MGAT5: variants seen among roughly 807,000 people sequenced by gnomAD.
MGAT5 encodes the protein alpha-1,6-mannosylglycoprotein 6-beta-N-acetylglucosaminyltransferase A.
A neutral mutation model predicts 94.3 loss-of-function variants in MGAT5; 30 were observed. That is an observed-to-expected ratio of 0.32 (90% CI 0.24 to 0.43). The LOEUF (loss-of-function observed/expected upper bound fraction) is 0.43. MGAT5 is among the 20% of genes least tolerant of loss of function. The pLI is 1.00. For missense variants in MGAT5, 691 were observed against 905.5 expected (o/e 0.76, Z 3.04); for synonymous variants, 310 against 322.9 (o/e 0.96, Z 0.43).
chr2:134,125,428 T>C (rs917324745), intron 1 of MGAT5, among the ~76,000 whole-genome samples: 4 of 152,176 alleles, frequency 2.6e-5, no homozygotes. Flanking sequence ...CAGCACCTTC[T>C]TTCCAACCTA....
At chr2:134,417,072 C>A (rs1419761746) in intron 12 of MGAT5, among the ~76,000 whole-genome samples, 3 of 151,844 alleles carry the variant, frequency 2.0e-5, no homozygotes, top group South Asian at 2.1e-4. Flanking sequence ...ACCTTTTGCC[C>A]ATTGTAATGC....
At chr2:134,381,377 A>AT (rs759495914) in intron 10 of MGAT5, among the ~76,000 whole-genome samples, 4 of 76,132 alleles carry the variant, frequency 5.3e-5, no homozygotes, top group Middle Eastern at 9.6e-3. Flanking sequence ...ATAAGATAAG[A>AT]TAGATTAGAT....
At chr2:134,363,838 C>T (rs1394020297) in intron 10 of MGAT5, among the ~76,000 whole-genome samples, 2 of 152,154 alleles carry the variant, frequency 1.3e-5, no homozygotes, top group African/African-American at 4.8e-5. Flanking sequence ...AAAAATGTGT[C>T]CTGTGTTGAT....
At chr2:134,408,250 T>G (rs1205453084) in intron 11 of MGAT5, among the ~76,000 whole-genome samples, 3 of 152,304 alleles carry the variant, frequency 2.0e-5, no homozygotes, top group Non-Finnish European at 2.9e-5. Flanking sequence ...GGTGAGCACT[T>G]GAGGCTGGCC....
intron 15 of MGAT5, among the ~76,000 whole-genome samples, chr2:134,442,546 C>T (rs558385134): frequency 4.6e-5 from 7 of 152,232 alleles, no homozygotes; most frequent in South Asian, 2.1e-4. Flanking sequence ...GGTAATGAGG[C>T]GAGTGTGGCA....
rs188469709 is a variant in MGAT5, at chr2:134,400,392, T to C, written c.1381-2596T>C. ...TGTTGGGATTTTCACGTTTATGAAA[T>C]TGGTAAATCCTTTCTGAAGGTAATC... On this transcript the variant is annotated intron_variant, in intron 10 of 15. Transcript: ENST00000281923. Among the ~76,000 whole-genome samples the C allele has an allele frequency of 7.2e-5, 11 of 152,348 alleles. 1 individual carries two copies. The highest frequency in any genetic ancestry group is 2.2e-4 in the African/African-American group (9 of 41,590).
chr2:134,416,870 T>G (rs538813772), intron 12 of MGAT5, among the ~76,000 whole-genome samples: 1 of 151,642 alleles, frequency 6.6e-6, no homozygotes, highest in Non-Finnish European at 1.5e-5. Flanking sequence ...CCTCCCAAAG[T>G]GCTGGGATTA....
chr2:134,132,282 ACACT>A (rs1403253901), intron 1 of MGAT5, among the ~76,000 whole-genome samples: 1 of 152,176 alleles, frequency 6.6e-6, no homozygotes. Context: ...TTTACCAATT[ACACT>A]CAGAAACAGA....
At chr2:134,229,104 C>T (rs910303823) in intron 1 of MGAT5, among the ~76,000 whole-genome samples, 2 of 152,112 alleles carry the variant, frequency 1.3e-5, no homozygotes, top group African/African-American at 2.4e-5. Context: ...AGTATGTTTT[C>T]CATCTGCTCA....
intron 10 of MGAT5, among the ~76,000 whole-genome samples, chr2:134,393,719 A>C (rs902650329): frequency 2.0e-5 from 3 of 152,124 alleles, no homozygotes; most frequent in African/African-American, 7.2e-5. Context: ...TTTTACAGTA[A>C]ATTAAGCACT....
chr2:134,317,455 C>T, intron 2 of MGAT5, 74 bp from the exon 3 acceptor site: 2 of 1,157,522 alleles, frequency 1.7e-6, no homozygotes, highest in Non-Finnish European at 2.4e-6. Flanking sequence ...CTCCCTACCT[C>T]TTGGCTTACA....
chr2:134,423,562 C>T (rs933926519), intron 13 of MGAT5, among the ~76,000 whole-genome samples: 1 of 152,104 alleles, frequency 6.6e-6, no homozygotes, highest in African/African-American at 2.4e-5. Flanking sequence ...AACTCGGAGC[C>T]CACCGTGGAC....
At position 134,203,106 on chromosome 2, in the gene MGAT5, T is replaced by C. The variant is rs190059834; in HGVS notation, c.-142-51156T>C. ...TTTTTATGGTTAATAACTTGTAAAG[T>C]TCAGAACAGAAAGTATGTTCTTAGC... On this transcript the variant is annotated intron_variant, in intron 1 of 16. Coordinates refer to the MGAT5 transcript ENST00000409645. 1.5e-3 allele frequency among the ~76,000 whole-genome samples: 233 copies of C among 152,302 alleles called. 2 individuals are homozygous for C. The highest frequency in any genetic ancestry group is 5.3e-3 in the African/African-American group (222 of 41,564).
chr2:134,366,186 C>T (rs1238837307), intron 10 of MGAT5, among the ~76,000 whole-genome samples: 2 of 152,168 alleles, frequency 1.3e-5, no homozygotes, highest in Non-Finnish European at 2.9e-5. Context: ...GAGATGTACC[C>T]AGAAGAACAG....
chr2:134,178,439 C>G (rs1688582394), intron 1 of MGAT5, among the ~76,000 whole-genome samples: 1 of 152,072 alleles, frequency 6.6e-6, no homozygotes, highest in East Asian at 1.9e-4. Context: ...AGAGCTGTCT[C>G]CCTAGAGAAG....
intron 1 of MGAT5, among the ~76,000 whole-genome samples, chr2:134,237,123 ATGTG>A (rs68003122): frequency 9.2e-5 from 13 of 140,722 alleles, no homozygotes; most frequent in East Asian, 2.1e-4. Context: ...GAAGGAGTAT[ATGTG>A]TGTGTGTGTG....
At chr2:134,127,668 C>T (rs1378793344) in intron 1 of MGAT5, among the ~76,000 whole-genome samples, 1 of 152,020 alleles carries the variant, frequency 6.6e-6, no homozygotes, top group Admixed American at 6.5e-5. Context: ...GAGTGAACTC[C>T]GACCGTGGCA....
chr2:134,424,205 A>G (rs1684455185), intron 13 of MGAT5, among the ~76,000 whole-genome samples: 2 of 152,194 alleles, frequency 1.3e-5, no homozygotes, highest in Non-Finnish European at 2.9e-5. Flanking sequence ...CTGGAAAGGC[A>G]TATATCCTGG....
intron 1 of MGAT5, among the ~76,000 whole-genome samples, chr2:134,169,439 CAT>C (rs10689923): frequency 3.7e-4 from 52 of 139,458 alleles, no homozygotes; most frequent in African/African-American, 1.1e-3. Context: ...CACACACACA[CAT>C]ATATAAAAGA....
Sources: allele counts gnomAD v4.1 joint callset (sites outside exome capture counted in the v4.1 genomes callset), GRCh38; gene constraint gnomAD v4.1.1; transcripts MANE v1.5; gene names NCBI Gene and HGNC (gene_info 2026-07-23, HGNC 2026-07-21).